MTX2: variants seen among roughly 807,000 people sequenced by gnomAD.
MTX2 encodes the protein metaxin 2, also known as metaxin-2.
MTX2 carries 35 observed loss-of-function variants against 42.3 expected under a neutral mutation model. The ratio of observed to expected loss-of-function variants is 0.83; its 90% CI spans 0.63 to 1.10. The LOEUF (loss-of-function observed/expected upper bound fraction) is 1.10. MTX2 is among the 50% of genes least tolerant of loss of function. MTX2 has a pLI of 0.00. For synonymous variants in MTX2, 119 were observed against 100.9 expected (o/e 1.18, Z -1.08); for missense variants, 307 against 304.1 (o/e 1.01, Z -0.07).
intron 3 of MTX2, among the ~76,000 whole-genome samples, chr2:176,310,272 T>A (rs1055161470): frequency 1.3e-5 from 2 of 151,576 alleles, no homozygotes; most frequent in African/African-American, 2.4e-5. Context: ...TGCCGAGAGA[T>A]CTGTTAGTCT....
At chr2:176,316,760 T>C (rs1684451551) in intron 3 of MTX2, among the ~76,000 whole-genome samples, 1 of 152,188 alleles carries the variant, frequency 6.6e-6, no homozygotes, top group African/African-American at 2.4e-5. Flanking sequence ...TCACAATTTG[T>C]TTTAACCAGT....
chr2:176,311,765 A>C (rs578122869), intron 3 of MTX2, among the ~76,000 whole-genome samples: 1 of 152,216 alleles, frequency 6.6e-6, no homozygotes, highest in Non-Finnish European at 1.5e-5. Context: ...GGAAGAGCAC[A>C]GTATTTGGGT....
chr2:176,279,102 A>G (rs960607594), intron 1 of MTX2, among the ~76,000 whole-genome samples: 1 of 152,162 alleles, frequency 6.6e-6, no homozygotes, highest in Non-Finnish European at 1.5e-5. Context: ...CACTGTTTTT[A>G]TACACTTAGC....
intron 9 of MTX2, among the ~76,000 whole-genome samples, chr2:176,331,736 A>G (rs1684869281): frequency 6.6e-6 from 1 of 151,248 alleles, no homozygotes; most frequent in Non-Finnish European, 1.5e-5. Context: ...TTTGCTCTAC[A>G]GATTCTATTT....
chr2:176,276,897 T>C (rs1339244487), intron 1 of MTX2, among the ~76,000 whole-genome samples: 1 of 152,202 alleles, frequency 6.6e-6, no homozygotes, highest in African/African-American at 2.4e-5. Flanking sequence ...ATAAGAACAA[T>C]ATCTGTTCTG....
At chr2:176,299,654 A>G (rs1214726728) in intron 3 of MTX2, among the ~76,000 whole-genome samples, 1 of 152,130 alleles carries the variant, frequency 6.6e-6, no homozygotes, top group African/African-American at 2.4e-5. Context: ...AGTAGCCATG[A>G]CTATAAATGT....
chr2:176,270,254 T>A, intron 1 of MTX2: 1 of 878,026 alleles, frequency 1.1e-6, no homozygotes, highest in Non-Finnish European at 1.5e-6. Flanking sequence ...CACTGCAACC[T>A]CCGCTTCCCG....
chr2:176,315,083 T>G (rs1684405170), intron 3 of MTX2, among the ~76,000 whole-genome samples: 1 of 152,180 alleles, frequency 6.6e-6, no homozygotes, highest in African/African-American at 2.4e-5. Context: ...CTTCTCAAAT[T>G]TTTAATAGAA....
At chr2:176,284,542 G>A (rs896463619) in intron 1 of MTX2, among the ~76,000 whole-genome samples, 4 of 151,876 alleles carry the variant, frequency 2.6e-5, no homozygotes, top group Non-Finnish European at 4.4e-5. Context: ...TTTCCTTATC[G>A]AATACTTCTA....
At position 176,269,466 on chromosome 2, in the gene MTX2, C is replaced by G. The variant is rs1026908183; in HGVS notation, c.-164C>G. 38 of 730,066 alleles carry G rather than the reference C, an allele frequency of 5.2e-5. No individual in the cohort carries two copies. The highest frequency in any genetic ancestry group is 1.0e-4 in the South Asian group (5 of 48,920). 45.2% of individuals were successfully genotyped at this position (730,066 alleles called of 1,614,324 possible). ...AGTCCCTAGCCAGGCCTGGCGGTAA[C>G]CTTGGGGGCCTCACTGCAGCCGCCG... On this transcript the variant is annotated 5_prime_UTR_variant, in exon 1 of 10. Transcript: ENST00000249442.
intron 1 of MTX2, among the ~76,000 whole-genome samples, chr2:176,287,981 AAACACTGATCT>A (rs66591874): frequency 0.17 from 25,622 of 151,528 alleles, 2,339 homozygotes; most frequent in South Asian, 0.29. Flanking sequence ...TTTCTTACAT[AAACACTGATCT>A]CTGACTATTA....
chr2:176,272,011 G>T (rs1692824855), intron 1 of MTX2, among the ~76,000 whole-genome samples: 1 of 152,036 alleles, frequency 6.6e-6, no homozygotes, highest in Non-Finnish European at 1.5e-5. Flanking sequence ...GTTTATCAGT[G>T]GATGAATGGA....
intron 3 of MTX2, chr2:176,304,279 T>C (rs1684092833): frequency 6.5e-6 from 1 of 154,386 alleles, no homozygotes; most frequent in African/African-American, 2.4e-5. Context: ...AAGAATTACA[T>C]TATACTGTTA....
chr2:176,282,467 C>T (rs1178003974), intron 1 of MTX2, among the ~76,000 whole-genome samples: 4 of 152,022 alleles, frequency 2.6e-5, no homozygotes, highest in African/African-American at 9.7e-5. Flanking sequence ...AACTCGTCTC[C>T]ATGCCTCCTA....
chr2:176,292,758 AT>A (rs1306457550), intron 1 of MTX2, among the ~76,000 whole-genome samples: 1 of 152,200 alleles, frequency 6.6e-6, no homozygotes, highest in Non-Finnish European at 1.5e-5. Context: ...CATGGTTTAC[AT>A]GTAATTTACA....
intron 1 of MTX2, among the ~76,000 whole-genome samples, chr2:176,273,150 G>A (rs1034387081): frequency 6.6e-6 from 1 of 152,150 alleles, no homozygotes; most frequent in Admixed American, 6.5e-5. Context: ...CTACTCTTGG[G>A]ATAAAGAGAT....
At chr2:176,292,130 A>C (rs1391608096) in intron 1 of MTX2, among the ~76,000 whole-genome samples, 1 of 151,978 alleles carries the variant, frequency 6.6e-6, no homozygotes, top group Non-Finnish European at 1.5e-5. Context: ...TTTCTTACCA[A>C]CCCCTTTTTT....
chr2:176,330,776 T>C, intron 9 of MTX2, 116 bp downstream of exon 9: 1 of 726,856 alleles, frequency 1.4e-6, no homozygotes, highest in Non-Finnish European at 2.3e-6. Context: ...ATAATTTTTG[T>C]ACTCAAATAT....
At chr2:176,294,791 A>C (rs893325475) in intron 1 of MTX2, among the ~76,000 whole-genome samples, 3 of 152,194 alleles carry the variant, frequency 2.0e-5, no homozygotes, top group African/African-American at 7.2e-5. Context: ...TAAAAGCCAG[A>C]AAACATCAGA....
Sources: gnomAD v4.1 joint callset for allele counts (sites outside exome capture counted in the v4.1 genomes callset) on GRCh38, gnomAD v4.1.1 for gene constraint, MANE v1.5 for transcripts, NCBI Gene and HGNC (gene_info 2026-07-23, HGNC 2026-07-21) for gene names.